The following LEKR1 variants were observed in gnomAD, a reference collection of about 807,000 sequenced individuals.
LEKR1 encodes protein LEKR1.
In LEKR1, 59 loss-of-function variants were observed where a neutral mutation model predicts 72.4. That is an observed-to-expected ratio of 0.82 (90% confidence interval 0.66 to 1.01). LEKR1 has a LOEUF of 1.01. LEKR1 is among the 50% of genes least tolerant of loss of function. The pLI, the probability that LEKR1 is intolerant of heterozygous loss-of-function variation, is 0.00. For synonymous variants in LEKR1, 257 were observed against 263.2 expected (o/e 0.98, Z 0.23); for missense variants, 728 against 759.2 (o/e 0.96, Z 0.48).
chr3:157,034,145 T>C (rs1474733336), intron 12 of LEKR1, among the ~76,000 whole-genome samples: 1 of 152,204 alleles, frequency 6.6e-6, no homozygotes, highest in Non-Finnish European at 1.5e-5. Flanking sequence ...GGGATTAATG[T>C]TTTCATGCCT....
rs749313538 is a variant in LEKR1 at position 156,942,662 on chromosome 3, A to G, written c.693A>G (p.Gln231=). The change falls in exon 6 of 13, where the codon CAA becomes CAG. Residue 231 remains glutamine, a synonymous_variant. Coordinates refer to ENST00000356539, the MANE Select transcript of LEKR1 (RefSeq NM_001004316.3). ...LRSQQIRTSR[Q]QEVNLQTRCY... ...CTCAGCAGATTCGGACATCTAGACA[A>G]CAGGAAGTAAACTTGCAAACCAGAT... The G allele has an allele frequency of 9.4e-6, 12 of 1,270,666 alleles. No individual in the cohort carries two copies. The South Asian group carries it at 1.4e-4, about 15-fold the overall frequency. 78.7% of individuals were successfully genotyped at this position (1,270,666 alleles called of 1,614,324 possible).
At chr3:156,871,305 C>T (rs149562972) in intron 3 of LEKR1, among the ~76,000 whole-genome samples, 25,247 of 152,096 alleles carry the variant, frequency 0.17, 2,504 homozygotes, top group African/African-American at 0.26. Flanking sequence ...TTTATGGCTG[C>T]ATAGTATTCC....
chr3:156,827,375 G>C (rs561210791), intron 1 of LEKR1, among the ~76,000 whole-genome samples: 37 of 152,250 alleles, frequency 2.4e-4, no homozygotes, highest in Middle Eastern at 3.4e-3. Flanking sequence ...CACCTGTTTC[G>C]TTATGGAGCT....
At position 156,992,692 on chromosome 3, in the gene LEKR1, TA is replaced by T; in HGVS notation, c.873del (p.Lys291AsnfsTer2). ...AAGCTGATGACTGTCAAAGAGAACT[TA>T]AAAAACTGAAGTTTGAATCCATTAT... ...NEADDCQREL[K>X]KLKFESIISE... On this transcript the variant is annotated frameshift_variant, in exon 8 of 13. Coordinates refer to ENST00000356539, the MANE Select transcript of LEKR1 (RefSeq NM_001004316.3). LOFTEE classifies it high-confidence loss of function. 2 of 1,041,076 alleles carry T rather than the reference TA, an allele frequency of 1.9e-6. No homozygotes were observed. Among genetic ancestry groups the T allele is most frequent in the Non-Finnish European group, 2.4e-6 (2 of 826,148 alleles). 64.5% of individuals were successfully genotyped at this position (1,041,076 alleles called of 1,614,324 possible).
At chr3:156,996,327 G>C (rs1351539318) in intron 9 of LEKR1, among the ~76,000 whole-genome samples, 1 of 152,046 alleles carries the variant, frequency 6.6e-6, no homozygotes, top group Admixed American at 6.5e-5. Context: ...GAAGTTACCA[G>C]GCCAAGAGCC....
intron 7 of LEKR1, among the ~76,000 whole-genome samples, chr3:156,989,107 G>C (rs138725512): frequency 0.011 from 1,643 of 152,254 alleles, 10 homozygotes; most frequent in South Asian, 0.024. Context: ...GGGATTACAG[G>C]TGTGAGCCAC....
At chr3:156,829,162 A>G in intron 1 of LEKR1, 124 bp from the exon 2 acceptor site, 1 of 542,878 alleles carries the variant, frequency 1.8e-6, no homozygotes, top group East Asian at 3.0e-5. Context: ...AGCTGATGAA[A>G]TAAGCATCTG....
chr3:157,021,274 T>C (rs568359063), intron 10 of LEKR1, among the ~76,000 whole-genome samples: 19 of 152,042 alleles, frequency 1.2e-4, no homozygotes, highest in Admixed American at 2.6e-4. Flanking sequence ...GCAGAAGCTC[T>C]TTAGTTTAAT....
chr3:157,008,048 C>G (rs1370258078), intron 9 of LEKR1, among the ~76,000 whole-genome samples: 1 of 152,206 alleles, frequency 6.6e-6, no homozygotes, highest in African/African-American at 2.4e-5. Context: ...TGTAATCTCA[C>G]TTTTGCTCTC....
At chr3:157,032,785 C>G (rs1734707215) in intron 12 of LEKR1, among the ~76,000 whole-genome samples, 1 of 150,174 alleles carries the variant, frequency 6.7e-6, no homozygotes, top group Admixed American at 6.7e-5. Flanking sequence ...TTGCATGTCA[C>G]TTTATTGTGC....
intron 2 of LEKR1, among the ~76,000 whole-genome samples, chr3:156,841,856 G>A (rs1713949063): frequency 6.6e-6 from 1 of 152,086 alleles, no homozygotes; most frequent in Admixed American, 6.5e-5. Flanking sequence ...AATAATATTA[G>A]AGAGAGAGAT....
At chr3:156,874,670 C>G (rs763917889) in intron 3 of LEKR1, among the ~76,000 whole-genome samples, 1 of 152,040 alleles carries the variant, frequency 6.6e-6, no homozygotes, top group Admixed American at 6.6e-5. Context: ...AGTGTGTAGT[C>G]TTTATCCCTC....
chr3:156,861,584 T>G (rs1716766146), intron 3 of LEKR1, among the ~76,000 whole-genome samples: 2 of 152,206 alleles, frequency 1.3e-5, no homozygotes, highest in Non-Finnish European at 2.9e-5. Flanking sequence ...GATGGAAGTC[T>G]GCTTGGGCAT....
intron 6 of LEKR1, among the ~76,000 whole-genome samples, chr3:156,956,927 ATAAC>A (rs1727692726): frequency 6.6e-6 from 1 of 152,062 alleles, no homozygotes; most frequent in African/African-American, 2.4e-5. Context: ...TCAATTACTA[ATAAC>A]TAACTAAATA....
intron 3 of LEKR1, among the ~76,000 whole-genome samples, chr3:156,919,831 T>C (rs890904080): frequency 6.6e-6 from 1 of 152,168 alleles, no homozygotes; most frequent in African/African-American, 2.4e-5. Flanking sequence ...GACATCTTTT[T>C]CCTCATGTAA....
chr3:156,984,958 C>T (rs778239932), intron 7 of LEKR1, among the ~76,000 whole-genome samples: 44 of 151,862 alleles, frequency 2.9e-4, no homozygotes, highest in Non-Finnish European at 4.7e-4. Context: ...TATCAGCGTT[C>T]TCCTGATTTT....
intron 5 of LEKR1, among the ~76,000 whole-genome samples, chr3:156,933,835 A>G (rs947149091): frequency 2.0e-5 from 3 of 152,206 alleles, no homozygotes; most frequent in Non-Finnish European, 4.4e-5. Context: ...AATAACAAAC[A>G]AGGAGACACT....
intron 6 of LEKR1, among the ~76,000 whole-genome samples, chr3:156,960,269 T>C (rs1223561937): frequency 6.6e-6 from 1 of 152,162 alleles, no homozygotes; most frequent in African/African-American, 2.4e-5. Flanking sequence ...TTCAAGTATA[T>C]GATTTTTGTT....
chr3:156,970,838 G>C (rs1387742800), intron 6 of LEKR1, among the ~76,000 whole-genome samples: 2 of 152,074 alleles, frequency 1.3e-5, no homozygotes. Context: ...GGAAATAAAA[G>C]AGGATACAAA....
Sources: gnomAD v4.1 joint callset for allele counts (sites outside exome capture counted in the v4.1 genomes callset) on GRCh38, gnomAD v4.1.1 for gene constraint, MANE v1.5 for transcripts, NCBI Gene and HGNC (gene_info 2026-07-23, HGNC 2026-07-21) for gene names.